RAB33A: variants seen among roughly 807,000 people sequenced by gnomAD.
RAB33A encodes ras-related protein Rab-33A.
RAB33A carries 6 observed loss-of-function variants against 12.0 expected under a neutral mutation model. The observed-to-expected ratio is 0.50, with a 90% confidence interval of 0.27 to 0.99. RAB33A has a LOEUF of 0.99. Among genes scored for constraint, RAB33A ranks in the 50% least tolerant of loss-of-function variants. The pLI is 0.11. For synonymous variants in RAB33A, 70 were observed against 82.4 expected, an observed-to-expected ratio of 0.85 and a Z score of 0.81; for missense variants, 109 against 192.0, an observed-to-expected ratio of 0.57 and a Z score of 2.55.
At chrX:130,153,857 A>C in the RAB33A span, among the ~76,000 whole-genome samples, 1 of 112,004 alleles carries the variant, frequency 8.9e-6, no homozygotes. Context: ...TGAGAAAATA[A>C]ACCTCTGTTG....
Position 130,184,441 on chromosome X carries a change from G to T in RAB33A, c.415G>T (p.Ala139Ser). 8.3e-7 allele frequency: 1 copy of T among 1,211,802 alleles called. No homozygotes were observed. Among genetic ancestry groups the T allele is most frequent in the Non-Finnish European group, 1.1e-6 (1 of 895,236 alleles). Reference sequence around the variant, plus strand: ...GTGGATCCAAGAATGCAATGGGCATGCTGTGCCCCCACTAGTCCCCAAAGT... The same window carrying T: ...GTGGATCCAAGAATGCAATGGGCATTCTGTGCCCCCACTAGTCCCCAAAGT... ...KMWIQECNGH[A>S]VPPLVPKVLV... Residue 139 changes from alanine (A) to serine (S), a missense_variant, in exon 2 of 2, where the codon GCT becomes TCT. By Grantham distance (99) the Ala-to-Ser change is moderately conservative. Transcript: ENST00000257017.
rs201977804 is a variant in RAB33A at position 130,174,777 on chromosome X, TC to T, written c.258+2460del. 1.3e-3 allele frequency among the ~76,000 whole-genome samples: 150 copies of T among 111,153 alleles called. 3 individuals are homozygous for T. In the East Asian group the frequency reaches 0.031, roughly 23 times the overall value. On this transcript the variant is annotated intron_variant, in intron 1 of 1. Transcript: ENST00000257017. ...GCCTCTTCTGGGCTGCCTGCCTGTG[TC>T]CCGGGGTAGCACATACATGAACCCC... is the stretch of plus-strand genomic sequence containing the variant.
chrX:130,175,828 G>T (rs1204487810), intron 1 of RAB33A, among the ~76,000 whole-genome samples: 1 of 111,466 alleles, frequency 9.0e-6, no homozygotes, highest in Non-Finnish European at 1.9e-5. Flanking sequence ...TCAGGTGTGA[G>T]ATGCAGAAAA....
the RAB33A span, among the ~76,000 whole-genome samples, chrX:130,132,690 A>T: frequency 9.0e-6 from 1 of 111,689 alleles, no homozygotes; most frequent in African/African-American, 3.3e-5. Context: ...GGCATGAGCA[A>T]CCATACCAGA....
chrX:130,117,298 G>A, the RAB33A span, among the ~76,000 whole-genome samples: 4 of 112,585 alleles, frequency 3.6e-5, no homozygotes, highest in African/African-American at 1.3e-4. Context: ...GAAGATCACC[G>A]GCTTTCAATT....
chrX:130,167,195 A>T (rs2031547204), upstream of RAB33A, among the ~76,000 whole-genome samples: 1 of 112,638 alleles, frequency 8.9e-6, no homozygotes, highest in African/African-American at 3.2e-5. Context: ...TTCATTGTTA[A>T]ACATGTTGAC....
the RAB33A span, among the ~76,000 whole-genome samples, chrX:130,126,049 G>A: frequency 5.3e-5 from 6 of 112,511 alleles, no homozygotes; most frequent in African/African-American, 1.9e-4. Context: ...AGTCAAATGG[G>A]TGGGCTCTAG....
At chrX:130,137,014 G>C in the RAB33A span, 116 of 1,208,108 alleles carry the variant, frequency 9.6e-5, no homozygotes, top group Non-Finnish European at 1.1e-4. Context: ...CTATAGAAGC[G>C]AAGTTTGCCT....
chrX:130,139,843 A>G, the RAB33A span: 1 of 1,211,188 alleles, frequency 8.3e-7, no homozygotes, highest in Non-Finnish European at 1.1e-6. Context: ...CAGCCCTATC[A>G]ATGGCAGACA....
At chrX:130,115,003 C>T in the RAB33A span, among the ~76,000 whole-genome samples, 9 of 110,699 alleles carry the variant, frequency 8.1e-5, no homozygotes, top group Admixed American at 1.9e-4. Flanking sequence ...AGGGTTTTGC[C>T]GTGTTTTCCA....
the RAB33A span, among the ~76,000 whole-genome samples, chrX:130,123,042 G>A: frequency 1.8e-5 from 2 of 111,797 alleles, no homozygotes; most frequent in East Asian, 5.6e-4. Context: ...GGACAGCAGA[G>A]GCATGGGGAG....
At chrX:130,150,723 C>T in the RAB33A span, among the ~76,000 whole-genome samples, 1 of 105,386 alleles carries the variant, frequency 9.5e-6, no homozygotes, top group Non-Finnish European at 1.9e-5. Flanking sequence ...ACCTGTAATC[C>T]CAGCACTTTG....
the RAB33A span, among the ~76,000 whole-genome samples, chrX:130,126,246 T>G: frequency 3.6e-5 from 4 of 111,748 alleles, no homozygotes; most frequent in African/African-American, 1.3e-4. Flanking sequence ...ATCTCAGCAC[T>G]TTGGGAGGCC....
At chrX:130,113,077 C>CTTTTTTTTTTTTTTTTTTTTTT in the RAB33A span, among the ~76,000 whole-genome samples, 5 of 46,994 alleles carry the variant, frequency 1.1e-4, no homozygotes, top group Non-Finnish European at 1.8e-4. Flanking sequence ...TTTTTTCCTT[C>CTTTTTTTTTTTTTTTTTTTTTT]TTTTTTTTTT....
the RAB33A span, chrX:130,165,701 C>A: frequency 3.7e-6 from 4 of 1,076,883 alleles, no homozygotes; most frequent in South Asian, 5.9e-5. Flanking sequence ...TTTCCTCTCA[C>A]GCACGACCGA....
chrX:130,142,403 T>C, the RAB33A span, among the ~76,000 whole-genome samples: 1 of 111,424 alleles, frequency 9.0e-6, no homozygotes, highest in African/African-American at 3.3e-5. Context: ...AACCATCTTA[T>C]GTTCTATTGT....
At chrX:130,148,739 G>A in the RAB33A span, among the ~76,000 whole-genome samples, 4 of 103,775 alleles carry the variant, frequency 3.9e-5, no homozygotes, top group Admixed American at 3.1e-4. Flanking sequence ...AGGCTGAGGC[G>A]GGAGAATTGC....
chrX:130,172,135 G>A lies in RAB33A; in HGVS notation c.73G>A (p.Asp25Asn). ...CGCTGGCCTGGCGTCCCTGGAGCTC[G>A]ACTCGTCGCTGGACCAGTACGTGCA... ...SAAGLASLEL[D>N]SSLDQYVQIR... Residue 25 changes from aspartate to asparagine, a missense_variant, in exon 1 of 2, where the codon GAC becomes AAC. By Grantham distance (23) the Asp-to-Asn change is conservative (BLOSUM62 1). Transcript: ENST00000257017. The A allele has an allele frequency of 8.2e-7, 1 of 1,212,169 alleles. No individual in the cohort carries two copies. The highest frequency in any genetic ancestry group is 2.2e-5 in the Admixed American group (1 of 46,159).
chrX:130,184,179 G>A (rs1270453766), intron 1 of RAB33A, 106 bp from the exon 2 acceptor site: 9 of 769,465 alleles, frequency 1.2e-5, no homozygotes, highest in Non-Finnish European at 1.5e-5. Flanking sequence ...GTGAGCCACC[G>A]CACCCGTCCT....
Sources: gnomAD v4.1 joint callset for allele counts (sites outside exome capture counted in the v4.1 genomes callset) on GRCh38, gnomAD v4.1.1 for gene constraint, MANE v1.5 for transcripts, NCBI Gene and HGNC (gene_info 2026-07-23, HGNC 2026-07-21) for gene names.